The following ARHGEF10L variants were observed in gnomAD, a reference collection of about 807,000 sequenced individuals.
The protein encoded by ARHGEF10L is Rho guanine nucleotide exchange factor 10 like.
ARHGEF10L carries 69 observed loss-of-function variants against 141.2 expected under a neutral mutation model. The ratio of observed to expected loss-of-function variants is 0.49; its 90% CI spans 0.40 to 0.60. The LOEUF (loss-of-function observed/expected upper bound fraction) is 0.60. Among genes scored for constraint, ARHGEF10L ranks in the 20% least tolerant of loss-of-function variants. The pLI, the probability that ARHGEF10L is intolerant of heterozygous loss-of-function variation, is 0.00. For synonymous variants in ARHGEF10L, 711 were observed against 718.5 expected, an observed-to-expected ratio of 0.99 and a Z score of 0.17; for missense variants, 1,482 against 1,734.3, an observed-to-expected ratio of 0.85 and a Z score of 2.58.
chr1:17,665,550 GTGT>G (rs1358265859), intron 26 of ARHGEF10L, among the ~76,000 whole-genome samples: 1 of 152,154 alleles, frequency 6.6e-6, no homozygotes, highest in Non-Finnish European at 1.5e-5. Context: ...CAGCACAGAG[GTGT>G]TGTCGTTGGA....
intron 26 of ARHGEF10L, among the ~76,000 whole-genome samples, chr1:17,670,191 C>T (rs991590466): frequency 6.6e-6 from 1 of 152,270 alleles, no homozygotes; most frequent in Non-Finnish European, 1.5e-5. Context: ...GCCCACATGG[C>T]CTGGACTCTG....
In ARHGEF10L at chr1:17,656,085, C is replaced by T. The variant is rs202147995; in HGVS notation, c.2688C>T (p.Leu896=). ...CCACGGTGCATCCAACCATCTGCCT[C>T]GGGCTCCAGGATGGCAGGTGAGGGG... ...PSATVHPTIC[L]GLQDGSILLY... Residue 896 remains leucine (L), a synonymous_variant, in exon 24 of 29, where the codon CTC becomes CTT. Transcript: ENST00000361221. This position sits in a 1 kb window ranked among gnomAD's most constrained non-coding sequence, Gnocchi z 4.9. 12 of 1,553,742 alleles carry T rather than the reference C, an allele frequency of 7.7e-6. No homozygotes were observed. The Admixed American group carries it at 1.2e-4, about 15-fold the overall frequency.
At chr1:17,541,000 T>TC in intron 1 of ARHGEF10L, among the ~76,000 whole-genome samples, 1 of 152,166 alleles carries the variant, frequency 6.6e-6, no homozygotes, top group East Asian at 1.9e-4. Context: ...TCCGGAAATC[T>TC]CCAAGCTCCC....
intron 26 of ARHGEF10L, among the ~76,000 whole-genome samples, chr1:17,668,245 C>T (rs1255349846): frequency 2.0e-5 from 3 of 152,226 alleles, no homozygotes; most frequent in Admixed American, 1.3e-4. Flanking sequence ...CTCCCGGGGT[C>T]GGTGTTGTCA....
Position 17,603,548 on chromosome 1 carries a change from T to A in ARHGEF10L, c.390T>A (p.Ile130=). The A allele has an allele frequency of 6.2e-7, 1 of 1,613,702 alleles. No individual in the cohort carries two copies. The highest frequency in any genetic ancestry group is 8.5e-7 in the Non-Finnish European group (1 of 1,179,786). Residue 130 remains isoleucine, a synonymous_variant, in exon 6 of 29, where the codon ATT becomes ATA. Coordinates refer to ENST00000361221, the MANE Select transcript of ARHGEF10L (RefSeq NM_018125.4). The surrounding 1 kb of genome is among the most constrained non-coding windows in gnomAD (Gnocchi z 4.8). ...TCCCCGCCCTGGAAGAGGATGTGAT[T>A]TATGACGACGTCCCCTGCGAGAGCC... ...FTFPALEEDV[I]YDDVPCESPD...
At chr1:17,632,491 G>A in intron 16 of ARHGEF10L, 25 bp downstream of exon 16, 4 of 1,613,340 alleles carry the variant, frequency 2.5e-6, no homozygotes, top group Non-Finnish European at 3.4e-6. Context: ...GTTGGAGGGG[G>A]CAATCACCCC....
intron 1 of ARHGEF10L, among the ~76,000 whole-genome samples, chr1:17,546,447 A>G (rs948976988): frequency 1.3e-5 from 2 of 152,116 alleles, no homozygotes; most frequent in African/African-American, 2.4e-5. Context: ...TTTAATTTCC[A>G]TGCCGATCCT....
rs751580031 is a variant in ARHGEF10L at position 17,586,682 on chromosome 1, G to A, written c.38-778G>A. On this transcript the variant is annotated intron_variant, in intron 2 of 28. Transcript: ENST00000361221. ...ACCAGAGAGTAGAGGGGACAGACAG[G>A]TGAGATGTCTGCTCTCAGGGATCCG... 7.9e-4 allele frequency among the ~76,000 whole-genome samples: 121 copies of A among 152,314 alleles called. 1 individual carries two copies. The highest frequency in any genetic ancestry group is 8.1e-4 in the Non-Finnish European group (55 of 68,030).
chr1:17,524,516 G>A, the ARHGEF10L span, among the ~76,000 whole-genome samples: 1 of 152,034 alleles, frequency 6.6e-6, no homozygotes, highest in Non-Finnish European at 1.5e-5. Context: ...AGGCTGCAGT[G>A]AGCCAAGATG....
At chr1:17,631,779 C>A (rs2060708550) in intron 15 of ARHGEF10L, among the ~76,000 whole-genome samples, 1 of 152,214 alleles carries the variant, frequency 6.6e-6, no homozygotes, top group Non-Finnish European at 1.5e-5. Context: ...TGAACAAGAG[C>A]CTGTGTTTTC....
rs1177287295 is a variant in ARHGEF10L, at chr1:17,673,589, G to A, written c.3009+8994G>A. Among the ~76,000 whole-genome samples, 2 of 152,178 alleles carry A rather than the reference G, an allele frequency of 1.3e-5. No homozygotes were observed. The highest frequency in any genetic ancestry group is 2.4e-5 in the African/African-American group (1 of 41,438). ...TAATGCACACTCAGGCAGAGTGGCCGCTACGCAATGGTCCTCTGTGAGCCT... is the reference window on the plus strand; with the variant it reads ...TAATGCACACTCAGGCAGAGTGGCCACTACGCAATGGTCCTCTGTGAGCCT... On this transcript the variant is annotated intron_variant, in intron 26 of 28. Coordinates refer to ENST00000361221, the MANE Select transcript of ARHGEF10L (RefSeq NM_018125.4). The surrounding 1 kb of genome is among the most constrained non-coding windows in gnomAD (Gnocchi z 4.1).
At chr1:17,542,323 C>T (rs190117040) in intron 1 of ARHGEF10L, among the ~76,000 whole-genome samples, 110 of 151,988 alleles carry the variant, frequency 7.2e-4, no homozygotes, top group African/African-American at 2.7e-3. Flanking sequence ...CTGGTGCACG[C>T]CTGTAGTCCC....
Position 17,654,667 on chromosome 1 carries a change from G to T in ARHGEF10L, c.2426G>T (p.Cys809Phe). The change falls in exon 23 of 29, where the codon TGT becomes TTT. Residue 809 changes from cysteine (C) to phenylalanine (F), a missense_variant. By Grantham distance (205) the Cys-to-Phe change is radical (BLOSUM62 -2). Coordinates refer to ENST00000361221, the MANE Select transcript of ARHGEF10L (RefSeq NM_018125.4). The surrounding 1 kb of genome is among the most constrained non-coding windows in gnomAD (Gnocchi z 4.3). ...LGALVHSPVN[C>F]PLLGFSAVST... ...GCCCTGGTCCACAGTCCTGTCAACT[G>T]TCCCCTGCTGGGTTTCTCAGCAGTC... The T allele has an allele frequency of 6.2e-7, 1 of 1,614,174 alleles. No individual in the cohort carries two copies. The highest frequency in any genetic ancestry group is 8.5e-7 in the Non-Finnish European group (1 of 1,180,044).
rs1310874847 is a variant in ARHGEF10L, at chr1:17,623,312, C to G, written c.1200+137C>G. ...CAGTGGGATTAGAGGGTGGCAGGGT[C>G]TTCTGGGCCTGATCTAGGGGTGAGT... On this transcript the variant is annotated intron_variant, in intron 12 of 28. Transcript: ENST00000361221. The surrounding 1 kb of genome is among the most constrained non-coding windows in gnomAD (Gnocchi z 4.7). 3.1e-5 allele frequency: 33 copies of G among 1,048,808 alleles called. No homozygotes were observed. The highest frequency in any genetic ancestry group is 3.8e-5 in the Non-Finnish European group (28 of 731,686). The allele number at this position is 1,048,808 out of a possible 1,614,324, so 65.0% of individuals were successfully genotyped here. A position where few individuals can be genotyped will look rare whatever the true frequency, so the allele number is the denominator to read the frequency against.
chr1:17,629,461 C>T lies in ARHGEF10L; in HGVS notation c.1584+1958C>T, dbSNP rs554212290. ...CACCGACCCACCTTCCCACGTGGCA[C>T]CAGCCCCCGAGTGGCAGCTGCCCAC... On this transcript the variant is annotated intron_variant, in intron 15 of 28. Coordinates refer to ENST00000361221, the MANE Select transcript of ARHGEF10L (RefSeq NM_018125.4). Among the ~76,000 whole-genome samples the T allele has an allele frequency of 5.3e-4, 81 of 152,296 alleles. 1 individual carries two copies. The highest frequency in any genetic ancestry group is 1.9e-3 in the African/African-American group (79 of 41,566).
Position 17,599,465 on chromosome 1 carries a change from A to G in ARHGEF10L, c.258-2662A>G, listed in dbSNP as rs542026466. 5.9e-5 allele frequency among the ~76,000 whole-genome samples: 9 copies of G among 152,228 alleles called. No individual in the cohort carries two copies. The East Asian group carries it at 9.6e-4, about 16-fold the overall frequency. On this transcript the variant is annotated intron_variant, in intron 4 of 28. Transcript: ENST00000361221. Reference sequence around the variant, plus strand: ...AGCAAAGAGGACCTGTGGCCGGGAGACTGTCCAGCCAACCTCTTCTAAGCT... The same window carrying G: ...AGCAAAGAGGACCTGTGGCCGGGAGGCTGTCCAGCCAACCTCTTCTAAGCT...
chr1:17,570,318 T>A (rs532995577), intron 1 of ARHGEF10L, among the ~76,000 whole-genome samples: 36 of 152,254 alleles, frequency 2.4e-4, no homozygotes, highest in African/African-American at 8.7e-4. Context: ...TCAGGGCATG[T>A]GTGTGGGCTG....
Position 17,582,045 on chromosome 1 carries a change from G to A in ARHGEF10L, c.37+1413G>A, listed in dbSNP as rs185628385. Among the ~76,000 whole-genome samples, 183 of 152,264 alleles carry A rather than the reference G, an allele frequency of 1.2e-3. 1 individual carries two copies. Among genetic ancestry groups the A allele is most frequent in the African/African-American group, 4.3e-3 (177 of 41,562 alleles). ...GACCAGCTCTGGCTGTGCCACCTTTGCAGGCTATTAGGAAGGGCTTCCTTC... is the reference window on the plus strand; with the variant it reads ...GACCAGCTCTGGCTGTGCCACCTTTACAGGCTATTAGGAAGGGCTTCCTTC... On this transcript the variant is annotated intron_variant, in intron 2 of 28. Coordinates refer to ENST00000361221, the MANE Select transcript of ARHGEF10L (RefSeq NM_018125.4).
rs1232896362 is a variant in ARHGEF10L, at chr1:17,654,669, C to G, written c.2428C>G (p.Pro810Ala). Residue 810 changes from proline to alanine, a missense_variant, in exon 23 of 29, where the codon CCC (proline) becomes GCC (alanine). Physicochemically the swap from Pro to Ala is conservative, Grantham distance 27. Coordinates refer to ENST00000361221, the MANE Select transcript of ARHGEF10L (RefSeq NM_018125.4). This position sits in a 1 kb window ranked among gnomAD's most constrained non-coding sequence, Gnocchi z 4.3. ...GALVHSPVNC[P>A]LLGFSAVSTS... is the part of the protein sequence containing the mutation. ...CCTGGTCCACAGTCCTGTCAACTGT[C>G]CCCTGCTGGGTTTCTCAGCAGTCAG... 10 of 1,614,110 alleles carry G rather than the reference C, an allele frequency of 6.2e-6. No homozygotes were observed. The highest frequency in any genetic ancestry group is 1.1e-5 in the South Asian group (1 of 91,094).
Sources: allele counts gnomAD v4.1 joint callset (sites outside exome capture counted in the v4.1 genomes callset), GRCh38; gene constraint gnomAD v4.1.1; non-coding constraint Gnocchi (gnomAD v3.1); transcripts MANE v1.5; gene names NCBI Gene and HGNC (gene_info 2026-07-23, HGNC 2026-07-21).